SLC2A13: variants seen among roughly 807,000 people sequenced by gnomAD.
SLC2A13 encodes proton myo-inositol cotransporter.
SLC2A13 carries 32 observed loss-of-function variants against 64.4 expected under a neutral mutation model. The observed-to-expected ratio is 0.50, with a 90% CI of 0.37 to 0.67. The LOEUF (loss-of-function observed/expected upper bound fraction) is 0.67, where lower values mean the gene tolerates loss of function less well. Among genes scored for constraint, SLC2A13 ranks in the 30% least tolerant of loss-of-function variants. The probability of loss-of-function intolerance (pLI) is 0.00; values close to 1 mark genes in which losing one functional copy is unlikely to be tolerated. For synonymous variants in SLC2A13, 338 were observed against 327.1 expected (o/e 1.03, Z -0.36); for missense variants, 743 against 829.2 (o/e 0.90, Z 1.28).
intron 2 of SLC2A13, among the ~76,000 whole-genome samples, chr12:40,034,980 G>A (rs1021518784): frequency 1.3e-5 from 2 of 152,038 alleles, no homozygotes; most frequent in African/African-American, 2.4e-5. Context: ...GCATCCCCCC[G>A]AGCTGGAACT....
At chr12:40,088,879 A>C (rs898311688) in intron 1 of SLC2A13, among the ~76,000 whole-genome samples, 7 of 152,210 alleles carry the variant, frequency 4.6e-5, no homozygotes, top group Non-Finnish European at 1.0e-4. Context: ...TGTTTATCCT[A>C]GCATGGTAAA....
chr12:40,042,862 A>G (rs976190009), intron 2 of SLC2A13, among the ~76,000 whole-genome samples: 1 of 151,366 alleles, frequency 6.6e-6, no homozygotes, highest in African/African-American at 2.4e-5. Context: ...CAGAGTTTCC[A>G]TGATTCATGA....
At chr12:39,984,995 C>T (rs754159681) in intron 3 of SLC2A13, among the ~76,000 whole-genome samples, 2 of 152,126 alleles carry the variant, frequency 1.3e-5, no homozygotes, top group Non-Finnish European at 2.9e-5. Flanking sequence ...AATATCATAA[C>T]TAGAATACCA....
intron 9 of SLC2A13, among the ~76,000 whole-genome samples, chr12:39,764,136 T>G (rs7969282): frequency 0.84 from 127,646 of 151,994 alleles, 53,850 homozygotes; most frequent in African/African-American, 0.89. Context: ...TGTTTTTTTT[T>G]TTTGTTTGTT....
intron 3 of SLC2A13, among the ~76,000 whole-genome samples, chr12:39,953,065 AT>A (rs1267377863): frequency 6.6e-6 from 1 of 152,188 alleles, no homozygotes; most frequent in Admixed American, 6.6e-5. Context: ...GTTTTTCCTA[AT>A]GCAAGAAGTC....
chr12:39,806,672 G>A (rs1353317485), intron 7 of SLC2A13, among the ~76,000 whole-genome samples: 5 of 152,162 alleles, frequency 3.3e-5, no homozygotes, highest in African/African-American at 1.2e-4. Context: ...AGATATTTTA[G>A]ACAGTATACA....
intron 4 of SLC2A13, among the ~76,000 whole-genome samples, chr12:39,880,896 C>A (rs1944321452): frequency 6.6e-6 from 1 of 152,194 alleles, no homozygotes; most frequent in Non-Finnish European, 1.5e-5. Flanking sequence ...CACCAATTTG[C>A]CACATTGACC....
chr12:39,962,572 C>T (rs1946433668), intron 3 of SLC2A13, among the ~76,000 whole-genome samples: 1 of 152,192 alleles, frequency 6.6e-6, no homozygotes, highest in Non-Finnish European at 1.5e-5. Flanking sequence ...TTAGACAAAG[C>T]CACTTTTAAA....
At chr12:40,047,712 C>T (rs745753061) in intron 2 of SLC2A13, among the ~76,000 whole-genome samples, 1 of 152,158 alleles carries the variant, frequency 6.6e-6, no homozygotes, top group African/African-American at 2.4e-5. Context: ...AGTTCATAAA[C>T]AGCTTGTCAA....
chr12:39,816,302 T>A (rs1355541674), intron 7 of SLC2A13, among the ~76,000 whole-genome samples: 1 of 151,630 alleles, frequency 6.6e-6, no homozygotes, highest in Non-Finnish European at 1.5e-5. Flanking sequence ...TGAGATGAGA[T>A]GAAAGGCCGT....
At chr12:39,878,546 G>C (rs959293171) in intron 4 of SLC2A13, among the ~76,000 whole-genome samples, 5 of 152,328 alleles carry the variant, frequency 3.3e-5, no homozygotes, top group African/African-American at 1.2e-4. Flanking sequence ...GCTTGAGCTT[G>C]AGATTGATTA....
intron 3 of SLC2A13, among the ~76,000 whole-genome samples, chr12:39,992,671 TCA>T (rs1477100464): frequency 6.6e-6 from 1 of 152,162 alleles, no homozygotes; most frequent in Non-Finnish European, 1.5e-5. Flanking sequence ...CTTGGAGTAC[TCA>T]TATTTACTAA....
At chr12:40,091,348 T>C (rs1282880197) in intron 1 of SLC2A13, among the ~76,000 whole-genome samples, 1 of 152,188 alleles carries the variant, frequency 6.6e-6, no homozygotes, top group African/African-American at 2.4e-5. Flanking sequence ...CACTTGAATG[T>C]CATTAGATTC....
At chr12:40,086,989 A>G (rs545893011) in intron 1 of SLC2A13, among the ~76,000 whole-genome samples, 12 of 152,250 alleles carry the variant, frequency 7.9e-5, no homozygotes, top group Admixed American at 7.8e-4. Flanking sequence ...TTACCTCCCA[A>G]TTGCTTGGTA....
chr12:40,024,338 T>C (rs1947770159), intron 3 of SLC2A13, among the ~76,000 whole-genome samples: 1 of 152,252 alleles, frequency 6.6e-6, no homozygotes, highest in African/African-American at 2.4e-5. Context: ...TGCAATATCT[T>C]AGAAGTCTGG....
intron 3 of SLC2A13, among the ~76,000 whole-genome samples, chr12:39,978,464 G>A (rs892498702): frequency 6.6e-5 from 10 of 150,962 alleles, no homozygotes; most frequent in Admixed American, 4.0e-4. Context: ...CAGTGGGTGC[G>A]CGCACCGTGC....
At chr12:39,903,571 G>A (rs1374000029) in intron 4 of SLC2A13, among the ~76,000 whole-genome samples, 1 of 152,026 alleles carries the variant, frequency 6.6e-6, no homozygotes, top group African/African-American at 2.4e-5. Context: ...AGGTAGGTAC[G>A]TGGCAAAAAC....
chr12:39,881,310 TA>T (rs1944330527), intron 4 of SLC2A13, among the ~76,000 whole-genome samples: 2 of 151,998 alleles, frequency 1.3e-5, no homozygotes, highest in Non-Finnish European at 2.9e-5. Context: ...TAGATGACAA[TA>T]TGAGTGTGGT....
At chr12:39,887,957 T>C (rs577894640) in intron 4 of SLC2A13, among the ~76,000 whole-genome samples, 1 of 152,294 alleles carries the variant, frequency 6.6e-6, no homozygotes, top group Admixed American at 6.5e-5. Context: ...CAGAGTCAGT[T>C]TGCCCCTGCT....
Sources: allele counts gnomAD v4.1 joint callset (sites outside exome capture counted in the v4.1 genomes callset), GRCh38; gene constraint gnomAD v4.1.1; transcripts MANE v1.5; gene names NCBI Gene and HGNC (gene_info 2026-07-23, HGNC 2026-07-21).